THSD4: variants seen among roughly 807,000 people sequenced by gnomAD.
The protein encoded by THSD4 is thrombospondin type-1 domain-containing protein 4.
THSD4 carries 69 observed loss-of-function variants against 119.0 expected under a neutral mutation model. The ratio of observed to expected loss-of-function variants is 0.58; its 90% CI spans 0.48 to 0.71. The LOEUF is 0.71. Among genes scored for constraint, THSD4 ranks in the 30% least tolerant of loss-of-function variants. The pLI is 0.00. For synonymous variants in THSD4, 524 were observed against 540.4 expected (o/e 0.97, Z 0.42); for missense variants, 1,393 against 1,391.1 (o/e 1.00, Z -0.02).
At chr15:71,206,477 T>C (rs2043844841) in intron 3 of THSD4, among the ~76,000 whole-genome samples, 1 of 152,230 alleles carries the variant, frequency 6.6e-6, no homozygotes, top group Non-Finnish European at 1.5e-5. Flanking sequence ...TTTGAAACGT[T>C]TGCTTTAGAG....
chr15:71,550,590 C>T (rs1371435332), intron 7 of THSD4, among the ~76,000 whole-genome samples: 1 of 152,134 alleles, frequency 6.6e-6, no homozygotes, highest in East Asian at 1.9e-4. Context: ...GTGCCTGCCG[C>T]CACGCCCGGC....
chr15:71,764,185 G>T (rs7170897), intron 15 of THSD4, among the ~76,000 whole-genome samples: 1 of 152,166 alleles, frequency 6.6e-6, no homozygotes, highest in Admixed American at 6.5e-5. Flanking sequence ...GGTTGAGGCC[G>T]CAGTGAGCCA....
intron 6 of THSD4, among the ~76,000 whole-genome samples, chr15:71,260,917 G>A (rs148455684): frequency 0.025 from 3,819 of 152,228 alleles, 80 homozygotes; most frequent in Non-Finnish European, 0.037. Flanking sequence ...CCTGACCAAC[G>A]TGGTGAAACC....
intron 1 of THSD4, among the ~76,000 whole-genome samples, chr15:71,110,013 G>C (rs570565395): frequency 6.6e-6 from 1 of 152,354 alleles, no homozygotes; most frequent in South Asian, 2.1e-4. Context: ...GTTTGCTGAA[G>C]AGGGAAAATT....
At chr15:71,245,650 A>C (rs2140277241) in intron 5 of THSD4, among the ~76,000 whole-genome samples, 1 of 152,294 alleles carries the variant, frequency 6.6e-6, no homozygotes. Flanking sequence ...TAACATGTAA[A>C]AGTTCTATAC....
At position 71,594,711 on chromosome 15, in the gene THSD4, G is replaced by A. The variant is rs759257851; in HGVS notation, c.1153-65819G>A. Among the ~76,000 whole-genome samples the A allele has an allele frequency of 2.0e-5, 3 of 152,170 alleles. No homozygotes were observed. The East Asian group carries it at 5.8e-4, about 29-fold the overall frequency. The stretch of plus-strand genomic sequence containing the variant: ...GCTCAGACCTCCATGTATCGAACAA[G>A]CATTAACCCATTTCCTACCCCATAT... On this transcript the variant is annotated intron_variant, in intron 7 of 17. Coordinates refer to ENST00000261862, the MANE Select transcript of THSD4 (RefSeq NM_024817.3).
At chr15:71,193,674 C>T (rs776244611) in intron 3 of THSD4, among the ~76,000 whole-genome samples, 15 of 151,950 alleles carry the variant, frequency 9.9e-5, no homozygotes, top group Non-Finnish European at 1.5e-4. Flanking sequence ...ACTGTTCTCA[C>T]GGTAGTGAAT....
intron 8 of THSD4, among the ~76,000 whole-genome samples, chr15:71,715,032 G>A (rs1427122834): frequency 2.6e-5 from 4 of 152,122 alleles, no homozygotes; most frequent in Non-Finnish European, 5.9e-5. Flanking sequence ...ACATAAGTGG[G>A]TCAGTCTTGC....
At chr15:71,098,252 G>A (rs976589796) in intron 1 of THSD4, among the ~76,000 whole-genome samples, 107 of 139,554 alleles carry the variant, frequency 7.7e-4, no homozygotes, top group African/African-American at 2.8e-3. Flanking sequence ...CCAGGCTAGA[G>A]TGCCATGATC....
At position 71,738,000 on chromosome 15, in the gene THSD4, TG is replaced by T; in HGVS notation, c.1902del (p.Gly636AspfsTer27). 1 of 1,613,238 alleles carries T rather than the reference TG, an allele frequency of 6.2e-7. No homozygotes were observed. Among genetic ancestry groups the T allele is most frequent in the Non-Finnish European group, 8.5e-7 (1 of 1,179,496 alleles). On this transcript the variant is annotated frameshift_variant, in exon 11 of 18. Coordinates refer to ENST00000261862, the MANE Select transcript of THSD4 (RefSeq NM_024817.3). LOFTEE classifies it high-confidence loss of function. ...LGTTECSTTCGKGSQYPIFRC... is the reference protein window; with the variant it reads ...LGTTECSTTCXKGSQYPIFRC... The stretch of plus-strand genomic sequence containing the variant: ...GGACAACAGAATGTTCCACGACCTG[TG>T]GGAAAGGTGAGCCTGTGTGGGGGAC...
chr15:71,168,419 A>G (rs1455574531), intron 3 of THSD4, among the ~76,000 whole-genome samples: 1 of 152,182 alleles, frequency 6.6e-6, no homozygotes, highest in African/African-American at 2.4e-5. Context: ...CTTTAATCAC[A>G]ACTGCTCAAA....
chr15:71,296,736 T>C (rs1469134228), intron 6 of THSD4, among the ~76,000 whole-genome samples: 1 of 152,242 alleles, frequency 6.6e-6, no homozygotes, highest in Non-Finnish European at 1.5e-5. Context: ...GGTCCAGTTT[T>C]CAGTGCATCT....
intron 7 of THSD4, among the ~76,000 whole-genome samples, chr15:71,451,791 G>C (rs34206655): frequency 0.26 from 40,163 of 151,956 alleles, 5,553 homozygotes; most frequent in South Asian, 0.37. Flanking sequence ...TCCTGGGTAG[G>C]TCAGGGTGGA....
chr15:71,219,785 A>G (rs1328157768), intron 4 of THSD4, among the ~76,000 whole-genome samples: 1 of 152,200 alleles, frequency 6.6e-6, no homozygotes, highest in Non-Finnish European at 1.5e-5. Flanking sequence ...GGCTGGGAGG[A>G]ATGAAGTGAC....
intron 14 of THSD4, among the ~76,000 whole-genome samples, chr15:71,751,273 C>A (rs1012883258): frequency 6.6e-6 from 1 of 152,174 alleles, no homozygotes; most frequent in African/African-American, 2.4e-5. Context: ...GCTGGACTTT[C>A]ATTTTTATAT....
At chr15:71,116,242 G>T (rs1328599395) in intron 1 of THSD4, among the ~76,000 whole-genome samples, 2 of 152,376 alleles carry the variant, frequency 1.3e-5, no homozygotes, top group African/African-American at 4.8e-5. Flanking sequence ...AGCGCCTGGA[G>T]CCCGAGTGGA....
At chr15:71,255,714 G>A (rs996013083) in intron 5 of THSD4, among the ~76,000 whole-genome samples, 3 of 152,130 alleles carry the variant, frequency 2.0e-5, no homozygotes, top group South Asian at 2.1e-4. Context: ...TTAAATCCAG[G>A]CCCCACACCT....
At chr15:71,353,456 C>G (rs2045769695) in intron 6 of THSD4, among the ~76,000 whole-genome samples, 1 of 152,178 alleles carries the variant, frequency 6.6e-6, no homozygotes, top group South Asian at 2.1e-4. Flanking sequence ...GAAAGAACAC[C>G]TAAACTGTGG....
chr15:71,464,951 A>G (rs761101870), intron 7 of THSD4, among the ~76,000 whole-genome samples: 3 of 152,160 alleles, frequency 2.0e-5, no homozygotes, highest in Non-Finnish European at 2.9e-5. Flanking sequence ...ATATAAGTTT[A>G]TATTCCCCCG....
Sources: allele counts gnomAD v4.1 joint callset (sites outside exome capture counted in the v4.1 genomes callset), GRCh38; gene constraint gnomAD v4.1.1; transcripts MANE v1.5; gene names NCBI Gene and HGNC (gene_info 2026-07-23, HGNC 2026-07-21).